Variants in ZNF25 observed in about 807,000 individuals in gnomAD.
ZNF25 encodes zinc finger protein 25 (KOX 19).
ZNF25 carries 21 observed loss-of-function variants against 30.9 expected under a neutral mutation model. That is an observed-to-expected ratio of 0.68 (90% CI 0.48 to 0.98). The LOEUF is 0.98. Ranked by LOEUF, ZNF25 falls within the 50% of genes least tolerant of loss-of-function variation. The probability of loss-of-function intolerance (pLI) is 0.00; values close to 1 mark genes in which losing one functional copy is unlikely to be tolerated. For synonymous variants in ZNF25, 169 were observed against 181.3 expected (o/e 0.93, Z 0.55); for missense variants, 501 against 529.9 (o/e 0.95, Z 0.54).
intron 2 of ZNF25, chr10:37,967,802 G>A (rs976103861): frequency 2.6e-5 from 4 of 152,108 alleles, no homozygotes; most frequent in Non-Finnish European, 4.4e-5. Flanking sequence ...ACCCACATGC[G>A]TGAGTTAAAT....
At chr10:37,956,882 T>G in intron 4 of ZNF25, 138 bp downstream of exon 4, 1 of 636,088 alleles carries the variant, frequency 1.6e-6, no homozygotes, top group Non-Finnish European at 2.6e-6. Context: ...AACATTGGAC[T>G]CCAGCCTGGA....
intron 4 of ZNF25, among the ~76,000 whole-genome samples, chr10:37,954,097 T>C (rs1394018653): frequency 6.6e-6 from 1 of 152,144 alleles, no homozygotes; most frequent in Non-Finnish European, 1.5e-5. Flanking sequence ...GTATAGAGAA[T>C]ACTGTGAGCC....
chr10:37,976,044 A>G (rs2063788446), intron 1 of ZNF25, among the ~76,000 whole-genome samples: 1 of 152,226 alleles, frequency 6.6e-6, no homozygotes, highest in Non-Finnish European at 1.5e-5. Context: ...TGAAAACAGC[A>G]TGTTTTGTAA....
At chr10:37,960,270 A>G (rs1445879815) in intron 2 of ZNF25, among the ~76,000 whole-genome samples, 2 of 152,088 alleles carry the variant, frequency 1.3e-5, no homozygotes, top group East Asian at 3.9e-4. Context: ...AAGTTTCCAC[A>G]AACAGAATTT....
At position 37,952,010 on chromosome 10, in the gene ZNF25, C is replaced by CAA; in HGVS notation, c.*115_*116dup. The stretch of plus-strand genomic sequence containing the variant: ...TGTATTTGCTGATACACAGAGAGAG[C>CAA]AAAGATTGTAGCTGAAAATTTCCCT... On this transcript the variant is annotated 3_prime_UTR_variant, in exon 6 of 6. Transcript: ENST00000302609. 1.1e-6 allele frequency: 1 copy of CAA among 910,814 alleles called. No individual in the cohort carries two copies. The highest frequency in any genetic ancestry group is 2.0e-5 in the South Asian group (1 of 50,582). The allele number at this position is 910,814 out of a possible 1,614,324, so 56.4% of individuals were successfully genotyped here. A position where few individuals can be genotyped will look rare whatever the true frequency, so the allele number is the denominator to read the frequency against.
chr10:37,956,199 A>T (rs1164280572), intron 4 of ZNF25, among the ~76,000 whole-genome samples: 1 of 152,236 alleles, frequency 6.6e-6, no homozygotes, highest in African/African-American at 2.4e-5. Flanking sequence ...ACTGTATAGC[A>T]GGAAGTAGCA....
At position 37,960,187 on chromosome 10, in the gene ZNF25, G is replaced by T. The variant is rs1219168780; in HGVS notation, c.16-2641C>A. 4.6e-5 allele frequency among the ~76,000 whole-genome samples: 7 copies of T among 152,230 alleles called. No individual in the cohort carries two copies. In the East Asian group the frequency reaches 1.4e-3, roughly 29 times the overall value. On this transcript the variant is annotated intron_variant, in intron 2 of 5. Transcript: ENST00000302609. ...GGCAGGAGTTAATGAGTTGAATTTTGTTCATTCTGGGCTTAAAGTGACTGT... is the reference window on the plus strand; with the variant it reads ...GGCAGGAGTTAATGAGTTGAATTTTTTTCATTCTGGGCTTAAAGTGACTGT...
At chr10:37,966,095 G>C (rs2063165075) in intron 2 of ZNF25, among the ~76,000 whole-genome samples, 1 of 152,158 alleles carries the variant, frequency 6.6e-6, no homozygotes, top group Non-Finnish European at 1.5e-5. Context: ...CAGTATTGGA[G>C]GGTATTAGTG....
In ZNF25 at chr10:37,957,440, T is replaced by C. The variant is rs1181238907; in HGVS notation, c.122A>G (p.Tyr41Cys). The change falls in exon 3 of 6, where the codon TAT becomes TGT. Residue 41 changes from tyrosine to cysteine, a missense_variant. By Grantham distance (194) the Tyr-to-Cys change is radical. Transcript: ENST00000302609. ...TLYKDVMLENYSHLVSVGYHV... is the reference protein window; with the variant it reads ...TLYKDVMLENCSHLVSVGYHV... Reference sequence around the variant, plus strand: ...CTCACCCACTGAGACAAGGTGACTATAGTTTTCCAGCATCACATCCTTATA... The same window carrying C: ...CTCACCCACTGAGACAAGGTGACTACAGTTTTCCAGCATCACATCCTTATA... 3 of 1,613,560 alleles carry C rather than the reference T, an allele frequency of 1.9e-6. No individual in the cohort carries two copies. Among genetic ancestry groups the C allele is most frequent in the African/African-American group, 2.7e-5 (2 of 75,020 alleles).
Position 37,957,151 on chromosome 10 carries a change from T to G in ZNF25, c.143-36A>C, listed in dbSNP as rs577523348. ...AAAATATCAAGGAAATGATACAAATTGCTTGGAATTTAGGGACTGTGAAAG... is the reference window on the plus strand; with the variant it reads ...AAAATATCAAGGAAATGATACAAATGGCTTGGAATTTAGGGACTGTGAAAG... On this transcript the variant is annotated intron_variant, in intron 3 of 5. Coordinates refer to ENST00000302609, the MANE Select transcript of ZNF25 (RefSeq NM_145011.4). The G allele has an allele frequency of 3.5e-5, 56 of 1,588,048 alleles. No individual in the cohort carries two copies. The African/African-American group carries it at 7.1e-4, about 20-fold the overall frequency.
chr10:37,971,083 G>A (rs1204670011), intron 2 of ZNF25, among the ~76,000 whole-genome samples: 2 of 152,180 alleles, frequency 1.3e-5, no homozygotes, highest in Non-Finnish European at 2.9e-5. Context: ...GGGAGGCTAA[G>A]GCGGGAGGAT....
chr10:37,975,673 A>G (rs1168791554), intron 1 of ZNF25, among the ~76,000 whole-genome samples: 1 of 152,206 alleles, frequency 6.6e-6, no homozygotes, highest in South Asian at 2.1e-4. Flanking sequence ...TCCTCTGAGA[A>G]GAGACTAAGG....
intron 2 of ZNF25, chr10:37,967,854 T>C (rs2063273688): frequency 6.6e-6 from 1 of 152,220 alleles, no homozygotes; most frequent in Non-Finnish European, 1.5e-5. Context: ...CAATTCAAAA[T>C]GGATCAATGA....
At chr10:37,964,086 A>G (rs984260231) in intron 2 of ZNF25, among the ~76,000 whole-genome samples, 1 of 152,150 alleles carries the variant, frequency 6.6e-6, no homozygotes, top group Non-Finnish European at 1.5e-5. Context: ...TTCTGCCCTA[A>G]GTAAAAGCTC....
At chr10:37,966,430 AAAC>A (rs1355813400) in intron 2 of ZNF25, among the ~76,000 whole-genome samples, 1 of 151,920 alleles carries the variant, frequency 6.6e-6, no homozygotes, top group Non-Finnish European at 1.5e-5. Flanking sequence ...AAAAAAAAAA[AAAC>A]TACCTGAGAC....
intron 3 of ZNF25, 84 bp from the exon 4 acceptor site, chr10:37,957,199 T>G: frequency 3.5e-6 from 5 of 1,426,738 alleles, no homozygotes; most frequent in Non-Finnish European, 4.9e-6. Context: ...AGTTTCAGGA[T>G]AATAATGAAG....
At position 37,950,274 on chromosome 10, in the gene ZNF25, GT is replaced by G. The variant is rs2062075680; in HGVS notation, c.*1852del. 1 of 152,268 alleles carries G rather than the reference GT, an allele frequency of 6.6e-6. No homozygotes were observed. Among genetic ancestry groups the G allele is most frequent in the Admixed American group, 6.5e-5 (1 of 15,274 alleles). The allele number at this position is 152,268 out of a possible 1,614,324, so 9.4% of individuals were successfully genotyped here. On this transcript the variant is annotated 3_prime_UTR_variant, in exon 6 of 6. Coordinates refer to ENST00000302609, the MANE Select transcript of ZNF25 (RefSeq NM_145011.4). ...ATAGGTGTTTTTTGTTTGTATTCAT[GT>G]TTTCAAAACTTTATTTATGGACACT...
At chr10:37,957,619 T>C (rs1452223284) in intron 2 of ZNF25, 73 bp from the exon 3 acceptor site, 8 of 1,492,612 alleles carry the variant, frequency 5.4e-6, no homozygotes, top group Non-Finnish European at 7.2e-6. Flanking sequence ...ACATGTGAAC[T>C]AGCTCTTAGT....
chr10:37,971,754 G>A lies in ZNF25; in HGVS notation c.-32C>T. On this transcript the variant is annotated 5_prime_UTR_variant, in exon 2 of 6. It introduces an in-frame stop codon into an upstream open reading frame of the 5' UTR. Transcript: ENST00000302609. The stretch of plus-strand genomic sequence containing the variant: ...CTGCTCTTGGGAAAGGCTGAAAACT[G>A]CAAAGCCAGAGCAGAAATCATAAGG... 1 of 1,613,822 alleles carries A rather than the reference G, an allele frequency of 6.2e-7. No homozygotes were observed. The highest frequency in any genetic ancestry group is 1.3e-5 in the African/African-American group (1 of 74,938).
Sources: allele counts gnomAD v4.1 joint callset (sites outside exome capture counted in the v4.1 genomes callset), GRCh38; gene constraint gnomAD v4.1.1; transcripts MANE v1.5; gene names NCBI Gene and HGNC (gene_info 2026-07-23, HGNC 2026-07-21).